KIAA1328: variants seen among roughly 807,000 people sequenced by gnomAD.
KIAA1328 encodes the protein KIAA1328, also known as protein hinderin.
KIAA1328 carries 52 observed loss-of-function variants against 68.1 expected under a neutral mutation model. That is an observed-to-expected ratio of 0.76 (90% CI 0.61 to 0.96). The LOEUF (loss-of-function observed/expected upper bound fraction) is 0.96. Ranked by LOEUF, KIAA1328 falls within the 40% of genes least tolerant of loss-of-function variation. KIAA1328 has a pLI of 0.00. For missense variants in KIAA1328, 641 were observed against 677.6 expected (o/e 0.95, Z 0.60); for synonymous variants, 232 against 239.4 (o/e 0.97, Z 0.28).
At chr18:37,084,242 A>C in intron 7 of KIAA1328, 1 of 1,443,130 alleles carries the variant, frequency 6.9e-7, no homozygotes, top group South Asian at 1.4e-5. Flanking sequence ...GGTAAACCTG[A>C]AGTCTCAGTT....
chr18:37,086,191 G>A (rs989239468), intron 7 of KIAA1328, among the ~76,000 whole-genome samples: 1 of 152,148 alleles, frequency 6.6e-6, no homozygotes, highest in Non-Finnish European at 1.5e-5. Context: ...ATAATAACAT[G>A]TCATATAGTT....
At chr18:37,157,043 G>C (rs1451840141) in intron 7 of KIAA1328, among the ~76,000 whole-genome samples, 1 of 151,998 alleles carries the variant, frequency 6.6e-6, no homozygotes. Flanking sequence ...AAGACCAAGG[G>C]AGAAAACATT....
At chr18:36,994,966 ATTT>A (rs1320083674) in intron 6 of KIAA1328, among the ~76,000 whole-genome samples, 1 of 150,074 alleles carries the variant, frequency 6.7e-6, no homozygotes, top group Non-Finnish European at 1.5e-5. Flanking sequence ...TTATTTATTT[ATTT>A]ATTATACTTT....
At chr18:37,044,798 C>CAA (rs35937835) in intron 6 of KIAA1328, among the ~76,000 whole-genome samples, 62 of 80,742 alleles carry the variant, frequency 7.7e-4, no homozygotes, top group African/African-American at 1.2e-3. Flanking sequence ...GACTCCGGCT[C>CAA]AAAAAAAAAA....
At chr18:37,148,599 G>A (rs377148017) in intron 7 of KIAA1328, among the ~76,000 whole-genome samples, 14 of 152,232 alleles carry the variant, frequency 9.2e-5, no homozygotes, top group South Asian at 4.1e-4. Flanking sequence ...ATGTAAAAGC[G>A]TTCCTATTTC....
intron 6 of KIAA1328, among the ~76,000 whole-genome samples, chr18:37,043,397 C>T (rs151148993): frequency 3.2e-4 from 49 of 152,232 alleles, no homozygotes; most frequent in African/African-American, 1.1e-3. Context: ...TTCTTTCTCT[C>T]GAAAGTTGTT....
intron 5 of KIAA1328, among the ~76,000 whole-genome samples, chr18:36,900,651 C>G (rs1598646958): frequency 6.6e-6 from 1 of 152,042 alleles, no homozygotes; most frequent in South Asian, 2.1e-4. Context: ...CTGAACTGTT[C>G]ATATTTTCAT....
At chr18:37,056,161 C>T (rs1283734244) in intron 6 of KIAA1328, among the ~76,000 whole-genome samples, 1 of 152,078 alleles carries the variant, frequency 6.6e-6, no homozygotes, top group Non-Finnish European at 1.5e-5. Context: ...TGAGAAAATC[C>T]TGGCTTATCA....
At chr18:37,104,455 A>G (rs2057712354) in intron 7 of KIAA1328, among the ~76,000 whole-genome samples, 1 of 152,168 alleles carries the variant, frequency 6.6e-6, no homozygotes, top group Non-Finnish European at 1.5e-5. Context: ...GTGAGAGCTA[A>G]AAAAAGTTGA....
chr18:37,114,879 A>G (rs770268538), intron 7 of KIAA1328, among the ~76,000 whole-genome samples: 2 of 152,212 alleles, frequency 1.3e-5, no homozygotes, highest in Non-Finnish European at 2.9e-5. Context: ...AGATAATACT[A>G]TAAACACCTC....
intron 6 of KIAA1328, among the ~76,000 whole-genome samples, chr18:37,030,501 G>T (rs559664282): frequency 2.8e-4 from 42 of 151,882 alleles, no homozygotes; most frequent in Admixed American, 2.6e-4. Context: ...TTCCCTTATT[G>T]TCAGAAAATG....
intron 4 of KIAA1328, among the ~76,000 whole-genome samples, chr18:36,874,946 A>T (rs1022309360): frequency 6.6e-6 from 1 of 152,098 alleles, no homozygotes; most frequent in Admixed American, 6.6e-5. Flanking sequence ...TCCTTTCCCC[A>T]TTGCTTGTTT....
chr18:36,908,899 C>T (rs1317095167), intron 5 of KIAA1328, among the ~76,000 whole-genome samples: 1 of 152,128 alleles, frequency 6.6e-6, no homozygotes, highest in East Asian at 1.9e-4. Flanking sequence ...TTTAAGTTCA[C>T]AGAAGAATCC....
At position 37,185,026 on chromosome 18, in the gene KIAA1328, C is replaced by T. The variant is rs1382419997; in HGVS notation, c.1523+11945C>T. 2.0e-5 allele frequency among the ~76,000 whole-genome samples: 3 copies of T among 151,878 alleles called. No individual in the cohort carries two copies. In the South Asian group the frequency reaches 6.2e-4, roughly 32 times the overall value. On this transcript the variant is annotated intron_variant, in intron 9 of 9. Coordinates refer to ENST00000280020, the MANE Select transcript of KIAA1328 (RefSeq NM_020776.3). ...AAAATACAAAAAAAAATTAGCTGGG[C>T]GTGGTGGCGGGTACCTGTAGTCTCA... is the stretch of plus-strand genomic sequence containing the variant.
intron 6 of KIAA1328, among the ~76,000 whole-genome samples, chr18:36,963,539 A>T (rs965789128): frequency 6.6e-6 from 1 of 152,126 alleles, no homozygotes; most frequent in Non-Finnish European, 1.5e-5. Context: ...TTGGAGGAAA[A>T]TAAAACTTTC....
At chr18:37,083,723 A>G (rs2057017183) in intron 7 of KIAA1328, among the ~76,000 whole-genome samples, 2 of 152,212 alleles carry the variant, frequency 1.3e-5, no homozygotes, top group Admixed American at 1.3e-4. Flanking sequence ...GGTGCTTCCC[A>G]TATAAATGTT....
intron 4 of KIAA1328, among the ~76,000 whole-genome samples, chr18:36,854,676 C>G (rs1270704428): frequency 6.6e-6 from 1 of 152,038 alleles, no homozygotes; most frequent in Non-Finnish European, 1.5e-5. Context: ...GTTAAGTTCA[C>G]ATAATGTTAA....
At chr18:36,862,034 A>C (rs1397993885) in intron 4 of KIAA1328, among the ~76,000 whole-genome samples, 1 of 152,198 alleles carries the variant, frequency 6.6e-6, no homozygotes, top group East Asian at 1.9e-4. Flanking sequence ...TTACTTTAAA[A>C]AAAGAAACAA....
chr18:36,925,200 A>G (rs1000071875), intron 5 of KIAA1328, among the ~76,000 whole-genome samples: 4 of 152,186 alleles, frequency 2.6e-5, no homozygotes, highest in Non-Finnish European at 5.9e-5. Context: ...AAATCTCTAT[A>G]TAATTTAAGG....
Sources: allele counts gnomAD v4.1 joint callset (sites outside exome capture counted in the v4.1 genomes callset), GRCh38; gene constraint gnomAD v4.1.1; transcripts MANE v1.5; gene names NCBI Gene and HGNC (gene_info 2026-07-23, HGNC 2026-07-21).